Variants in TAFA5 observed in about 807,000 individuals in gnomAD.
TAFA5 encodes the protein TAFA chemokine like family member 5, also known as chemokine-like protein TAFA-5.
In TAFA5, 6 loss-of-function variants were observed where a neutral mutation model predicts 15.3. The ratio of observed to expected loss-of-function variants is 0.39; its 90% CI spans 0.21 to 0.77. The LOEUF (loss-of-function observed/expected upper bound fraction) is 0.77, where lower values mean the gene tolerates loss of function less well. Ranked by LOEUF, TAFA5 falls within the 30% of genes least tolerant of loss-of-function variation. TAFA5 has a pLI of 0.41. For synonymous variants in TAFA5, 103 were observed against 80.7 expected, an observed-to-expected ratio of 1.28 and a Z score of -1.48; for missense variants, 161 against 193.1, an observed-to-expected ratio of 0.83 and a Z score of 0.98.
At chr22:48,494,803 G>A (rs527303695) in intron 1 of TAFA5, among the ~76,000 whole-genome samples, 7 of 152,356 alleles carry the variant, frequency 4.6e-5, no homozygotes, top group South Asian at 2.1e-4. Flanking sequence ...TTCCAGAAGC[G>A]GGCCTGGCAG....
intron 2 of TAFA5, among the ~76,000 whole-genome samples, chr22:48,674,944 T>G (rs1927924257): frequency 1.8e-5 from 1 of 56,720 alleles, no homozygotes; most frequent in Admixed American, 1.7e-4. Context: ...GTCTGGCCAG[T>G]TTTTTTTTTT....
chr22:48,707,959 T>C (rs1434079870), intron 3 of TAFA5, 115 bp downstream of exon 3: 16 of 1,379,522 alleles, frequency 1.2e-5, no homozygotes, highest in Non-Finnish European at 1.5e-5. Context: ...TCCATCCTCA[T>C]GCAGAGAGGC....
chr22:48,684,689 C>T (rs181850037), intron 2 of TAFA5, among the ~76,000 whole-genome samples: 37 of 152,306 alleles, frequency 2.4e-4, no homozygotes, highest in African/African-American at 7.9e-4. Flanking sequence ...CAGGCAAGTG[C>T]CCAAGGCACT....
At chr22:48,665,986 C>T (rs1927595797) in intron 2 of TAFA5, among the ~76,000 whole-genome samples, 1 of 151,734 alleles carries the variant, frequency 6.6e-6, no homozygotes, top group South Asian at 2.1e-4. Flanking sequence ...GCCCTGGCCT[C>T]CTACCCCTCC....
intron 1 of TAFA5, among the ~76,000 whole-genome samples, chr22:48,605,453 A>G (rs958216961): frequency 3.7e-5 from 5 of 133,882 alleles, no homozygotes; most frequent in Admixed American, 7.1e-5. Context: ...GGTGATGGCA[A>G]TGGTGATGGT....
chr22:48,528,407 G>A (rs1004047229), intron 1 of TAFA5, among the ~76,000 whole-genome samples: 3 of 152,112 alleles, frequency 2.0e-5, no homozygotes, highest in Non-Finnish European at 4.4e-5. Context: ...ATAGTGAGGA[G>A]GCACCCCTGG....
At chr22:48,709,496 C>T (rs1472724336) in intron 3 of TAFA5, among the ~76,000 whole-genome samples, 6 of 152,198 alleles carry the variant, frequency 3.9e-5, no homozygotes, top group Non-Finnish European at 5.9e-5. Context: ...CCCAGTCAGG[C>T]GCAGCCTTTC....
At chr22:48,644,234 G>C (rs115226752) in intron 1 of TAFA5, among the ~76,000 whole-genome samples, 2 of 152,198 alleles carry the variant, frequency 1.3e-5, no homozygotes, top group South Asian at 2.1e-4. Context: ...GGCCCCGAGC[G>C]GGGGACCAGG....
At chr22:48,569,646 C>T (rs892319890) in intron 1 of TAFA5, among the ~76,000 whole-genome samples, 3 of 152,168 alleles carry the variant, frequency 2.0e-5, no homozygotes, top group South Asian at 2.1e-4. Flanking sequence ...AGTCTGCTGT[C>T]GTTGCATTGC....
intron 1 of TAFA5, among the ~76,000 whole-genome samples, chr22:48,526,595 G>C (rs1006591760): frequency 6.6e-6 from 1 of 152,192 alleles, no homozygotes; most frequent in African/African-American, 2.4e-5. Context: ...GAGCTCCTGC[G>C]GGTGCATCCT....
intron 2 of TAFA5, among the ~76,000 whole-genome samples, chr22:48,684,873 G>A (rs1051701796): frequency 1.1e-4 from 17 of 152,216 alleles, no homozygotes; most frequent in Non-Finnish European, 2.4e-4. Flanking sequence ...GCTTCCCAGA[G>A]CTTCCCTGCT....
intron 1 of TAFA5, among the ~76,000 whole-genome samples, chr22:48,514,496 G>T (rs1442588664): frequency 6.6e-6 from 1 of 152,176 alleles, no homozygotes; most frequent in Non-Finnish European, 1.5e-5. Flanking sequence ...AATTGAGGTG[G>T]CCGCGGCTCC....
intron 1 of TAFA5, among the ~76,000 whole-genome samples, chr22:48,594,386 C>T (rs941868242): frequency 2.0e-5 from 3 of 152,168 alleles, no homozygotes; most frequent in African/African-American, 7.2e-5. Flanking sequence ...GCACCCGGTG[C>T]ACATAGGTTG....
intron 1 of TAFA5, among the ~76,000 whole-genome samples, chr22:48,515,453 CT>C (rs1203181003): frequency 6.6e-6 from 1 of 152,176 alleles, no homozygotes; most frequent in Non-Finnish European, 1.5e-5. Context: ...CACGGCACCC[CT>C]CTCCTTCAGT....
At chr22:48,561,319 C>G (rs1390689754) in intron 1 of TAFA5, among the ~76,000 whole-genome samples, 1 of 152,188 alleles carries the variant, frequency 6.6e-6, no homozygotes. Flanking sequence ...AGTCCCCTGG[C>G]TGCAATGTTT....
intron 3 of TAFA5, among the ~76,000 whole-genome samples, chr22:48,728,864 A>G (rs1601702432): frequency 1.3e-5 from 2 of 152,348 alleles, no homozygotes; most frequent in African/African-American, 4.8e-5. Context: ...ACTTCTTTAC[A>G]TAAATTATTT....
rs1923184601 is a variant in TAFA5 at position 48,560,285 on chromosome 22, G to A, written c.112+70581G>A. Among the ~76,000 whole-genome samples, 2 of 152,196 alleles carry A rather than the reference G, an allele frequency of 1.3e-5. No individual in the cohort carries two copies. The highest frequency in any genetic ancestry group is 4.1e-4 in the South Asian group (2 of 4,834). The stretch of plus-strand genomic sequence containing the variant: ...TGGTGCCGTCAGGCTCCCGGCATTG[G>A]TGCACCCCGGCATTGGTGTGGCCAC... On this transcript the variant is annotated intron_variant, in intron 1 of 3. Transcript: ENST00000402357. The surrounding 1 kb of genome is among the most constrained non-coding windows in gnomAD (Gnocchi z 4.2).
chr22:48,680,851 G>A (rs1432585027), intron 2 of TAFA5, among the ~76,000 whole-genome samples: 2 of 152,246 alleles, frequency 1.3e-5, no homozygotes, highest in South Asian at 4.1e-4. Context: ...CCAGTGCTGG[G>A]CCGGGCACAC....
At chr22:48,652,063 T>A (rs1927074074) in intron 2 of TAFA5, among the ~76,000 whole-genome samples, 1 of 152,050 alleles carries the variant, frequency 6.6e-6, no homozygotes, top group African/African-American at 2.4e-5. Flanking sequence ...ATTACAGGAG[T>A]GCAGGAGCAA....
Sources: allele counts gnomAD v4.1 joint callset (sites outside exome capture counted in the v4.1 genomes callset), GRCh38; gene constraint gnomAD v4.1.1; non-coding constraint Gnocchi (gnomAD v3.1); transcripts MANE v1.5; gene names NCBI Gene and HGNC (gene_info 2026-07-23, HGNC 2026-07-21).